Variants in PBX3 observed in about 807,000 individuals in gnomAD.
PBX3 encodes the protein pre-B-cell leukemia transcription factor 3.
PBX3 carries 14 observed loss-of-function variants against 48.5 expected under a neutral mutation model. The observed-to-expected ratio is 0.29, with a 90% CI of 0.19 to 0.45. The LOEUF (loss-of-function observed/expected upper bound fraction) is 0.45. Ranked by LOEUF, PBX3 falls within the 20% of genes least tolerant of loss-of-function variation. PBX3 has a pLI of 1.00. For synonymous variants in PBX3, 210 were observed against 200.3 expected (o/e 1.05, Z -0.41); for missense variants, 386 against 546.7 (o/e 0.71, Z 2.93).
At chr9:125,908,655 G>T (rs539037305) in intron 2 of PBX3, among the ~76,000 whole-genome samples, 1 of 152,160 alleles carries the variant, frequency 6.6e-6, no homozygotes, top group South Asian at 2.1e-4. Context: ...ACATAGAGTA[G>T]CTGGGGTCAC....
At chr9:125,905,605 A>G (rs1841051715) in intron 2 of PBX3, among the ~76,000 whole-genome samples, 1 of 151,790 alleles carries the variant, frequency 6.6e-6, no homozygotes, top group Non-Finnish European at 1.5e-5. Context: ...TTAATGAAAG[A>G]TATATTGACT....
chr9:125,792,072 A>G (rs1837630125), intron 2 of PBX3, among the ~76,000 whole-genome samples: 1 of 149,234 alleles, frequency 6.7e-6, no homozygotes, highest in South Asian at 2.1e-4. Context: ...GCACGCACGC[A>G]CGCATATAAA....
chr9:125,931,942 A>C (rs140547966), intron 4 of PBX3, among the ~76,000 whole-genome samples: 1 of 152,214 alleles, frequency 6.6e-6, no homozygotes, highest in Non-Finnish European at 1.5e-5. Flanking sequence ...CTAAGGATCA[A>C]TTCTTAGAAA....
Position 125,748,373 on chromosome 9 carries a change from C to T in PBX3, c.201-177C>T, listed in dbSNP as rs1001661110. On this transcript the variant is annotated intron_variant, in intron 1 of 8. Transcript: ENST00000373489. ...TTGTTCCGGCTGCAGCTTTCGCCGC[C>T]GGGGCTTGCTGGCTGTCGGGAACTA... The T allele has an allele frequency of 7.5e-6, 10 of 1,331,834 alleles. No individual in the cohort carries two copies. In the African/African-American group the frequency reaches 8.9e-5, roughly 12 times the overall value. The allele number at this position is 1,331,834 out of a possible 1,614,324, so 82.5% of individuals were successfully genotyped here. A position where few individuals can be genotyped will look rare whatever the true frequency, so the allele number is the denominator to read the frequency against.
rs919951436 is a variant in PBX3 at position 125,899,244 on chromosome 9, C to T, written c.275-16442C>T. Among the ~76,000 whole-genome samples the T allele has an allele frequency of 6.0e-4, 74 of 122,618 alleles. 1 individual carries two copies. The highest frequency in any genetic ancestry group is 9.7e-4 in the Non-Finnish European group (55 of 56,888). The allele number at this position is 122,618 out of a possible 152,430, so 80.4% of individuals were successfully genotyped here. ...GTATATATATTTATATATAAATATA[C>T]ATATGTATATATATTTATATATAAA... On this transcript the variant is annotated intron_variant, in intron 2 of 8. Transcript: ENST00000373489.
At chr9:125,856,896 A>G (rs1340033501) in intron 2 of PBX3, among the ~76,000 whole-genome samples, 3 of 152,152 alleles carry the variant, frequency 2.0e-5, no homozygotes, top group Non-Finnish European at 2.9e-5. Context: ...TTTGGTTGGT[A>G]TGCCTGCCCA....
intron 4 of PBX3, 116 bp downstream of exon 4, chr9:125,929,961 G>A (rs1841679301): frequency 1.3e-6 from 1 of 742,928 alleles, no homozygotes; most frequent in Non-Finnish European, 2.3e-6. Context: ...TGAGTCTTTT[G>A]TACAATGGAC....
chr9:125,770,804 CAAAA>C (rs35341427), intron 2 of PBX3, among the ~76,000 whole-genome samples: 2 of 152,070 alleles, frequency 1.3e-5, no homozygotes, highest in Admixed American at 1.3e-4. Context: ...CAACTACTGA[CAAAA>C]AAAGAACCAC....
intron 2 of PBX3, among the ~76,000 whole-genome samples, chr9:125,857,104 C>G (rs1839743872): frequency 6.6e-6 from 1 of 152,068 alleles, no homozygotes; most frequent in African/African-American, 2.4e-5. Context: ...TGTTTCTTCA[C>G]AATAGGATTT....
chr9:125,748,663 A>G, intron 2 of PBX3, 40 bp downstream of exon 2: 2 of 1,523,868 alleles, frequency 1.3e-6, no homozygotes, highest in Non-Finnish European at 1.8e-6. Context: ...GAGACCCCCG[A>G]GGTGGGGGTC....
intron 2 of PBX3, among the ~76,000 whole-genome samples, chr9:125,765,820 A>G (rs552680932): frequency 4.3e-4 from 66 of 152,308 alleles, no homozygotes; most frequent in African/African-American, 1.5e-3. Flanking sequence ...GTAACAAGCT[A>G]TGGGAAAAAA....
intron 2 of PBX3, among the ~76,000 whole-genome samples, chr9:125,865,824 C>T (rs1296438298): frequency 1.3e-5 from 2 of 152,094 alleles, no homozygotes; most frequent in Non-Finnish European, 2.9e-5. Flanking sequence ...TGTCATTAGC[C>T]TATAGCCTGT....
chr9:125,775,056 G>A (rs554818179), intron 2 of PBX3, among the ~76,000 whole-genome samples: 28 of 152,110 alleles, frequency 1.8e-4, no homozygotes, highest in African/African-American at 6.7e-4. Flanking sequence ...TAATAGAGAT[G>A]GGGTTTCACC....
chr9:125,960,663 C>G (rs763145630), intron 5 of PBX3, 21 bp from the exon 6 acceptor site: 1 of 1,612,818 alleles, frequency 6.2e-7, no homozygotes, highest in African/African-American at 1.3e-5. Flanking sequence ...CCCTTCACCT[C>G]CATGTCCCTG....
In PBX3 at chr9:125,936,538, A is replaced by G. The variant is rs906812012; in HGVS notation, c.843+931A>G. ...AAGTAGTTTCTAAATAAATACTTGT[A>G]CTGTAGATAAAGTTCAAGATACTAA... On this transcript the variant is annotated intron_variant, in intron 5 of 8. Coordinates refer to ENST00000373489, the MANE Select transcript of PBX3 (RefSeq NM_006195.6). 5.9e-5 allele frequency among the ~76,000 whole-genome samples: 9 copies of G among 152,296 alleles called. No homozygotes were observed. The East Asian group carries it at 1.7e-3, about 29-fold the overall frequency.
chr9:125,834,863 A>G (rs941345481), intron 2 of PBX3, among the ~76,000 whole-genome samples: 1 of 150,662 alleles, frequency 6.6e-6, no homozygotes, highest in Non-Finnish European at 1.5e-5. Flanking sequence ...CAAAAATACA[A>G]AAAATGAGCC....
intron 2 of PBX3, among the ~76,000 whole-genome samples, chr9:125,815,938 T>A (rs1838447213): frequency 6.6e-6 from 1 of 152,044 alleles, no homozygotes; most frequent in African/African-American, 2.4e-5. Context: ...TTACAGAAAT[T>A]TATCAAAATC....
At chr9:125,902,251 G>T (rs1840963894) in intron 2 of PBX3, among the ~76,000 whole-genome samples, 1 of 151,602 alleles carries the variant, frequency 6.6e-6, no homozygotes, top group Admixed American at 6.6e-5. Context: ...ATTATATAAG[G>T]TTTAACAAAT....
intron 2 of PBX3, among the ~76,000 whole-genome samples, chr9:125,771,854 G>T (rs957430951): frequency 2.3e-4 from 35 of 151,988 alleles, no homozygotes; most frequent in African/African-American, 8.5e-4. Flanking sequence ...ATCCTGTTGG[G>T]TCTTAATTTC....
Sources: allele counts gnomAD v4.1 joint callset (sites outside exome capture counted in the v4.1 genomes callset), GRCh38; gene constraint gnomAD v4.1.1; transcripts MANE v1.5; gene names NCBI Gene and HGNC (gene_info 2026-07-23, HGNC 2026-07-21).